RBL1: variants seen among roughly 807,000 people sequenced by gnomAD.
The protein encoded by RBL1 is RB transcriptional corepressor like 1.
A neutral mutation model predicts 123.0 loss-of-function variants in RBL1; 82 were observed. That is an observed-to-expected ratio of 0.67 (90% confidence interval 0.56 to 0.80). RBL1 has a LOEUF of 0.80. Ranked by LOEUF, RBL1 falls within the 30% of genes least tolerant of loss-of-function variation. RBL1 has a pLI of 0.00. For missense variants in RBL1, 1,171 were observed against 1,299.6 expected (o/e 0.90, Z 1.52); for synonymous variants, 405 against 441.3 (o/e 0.92, Z 1.03).
chr20:37,051,208 G>GT (rs57044024), intron 11 of RBL1, among the ~76,000 whole-genome samples: 152,011 of 152,012 alleles, frequency 1, 76,005 homozygotes, highest in Middle Eastern at 1. Flanking sequence ...CTGAGATGGA[G>GT]TTCGCTCTTG....
chr20:37,060,668 G>A (rs1158042543), intron 9 of RBL1, among the ~76,000 whole-genome samples: 2 of 151,960 alleles, frequency 1.3e-5, no homozygotes, highest in Non-Finnish European at 2.9e-5. Context: ...TGTAGTTCCA[G>A]CTAACTTGGG....
At chr20:37,052,176 G>A (rs575289203) in intron 11 of RBL1, among the ~76,000 whole-genome samples, 19 of 151,754 alleles carry the variant, frequency 1.3e-4, no homozygotes, top group Non-Finnish European at 2.1e-4. Flanking sequence ...GGGATTACAG[G>A]TGCACACCAC....
At chr20:37,082,106 C>T in intron 2 of RBL1, 1 of 442,540 alleles carries the variant, frequency 2.3e-6, no homozygotes, top group Non-Finnish European at 4.5e-6. Flanking sequence ...AGGTTTCTCC[C>T]TCACTAAGGG....
At chr20:37,068,368 T>C (rs187857840) in intron 2 of RBL1, among the ~76,000 whole-genome samples, 182 bp from the exon 3 acceptor site, 201 of 152,298 alleles carry the variant, frequency 1.3e-3, no homozygotes, top group African/African-American at 4.5e-3. Flanking sequence ...GGCATGTGCC[T>C]GTAGCCCCAG....
intron 2 of RBL1, among the ~76,000 whole-genome samples, chr20:37,078,957 G>A (rs1173312944): frequency 1.3e-5 from 2 of 152,046 alleles, no homozygotes; most frequent in Non-Finnish European, 2.9e-5. Flanking sequence ...TAGCACTTTA[G>A]GAGGCCGAGG....
intron 16 of RBL1, among the ~76,000 whole-genome samples, chr20:37,024,011 C>T (rs889092380): frequency 3.3e-5 from 5 of 151,736 alleles, no homozygotes; most frequent in Admixed American, 3.3e-4. Flanking sequence ...TCTCGAACTC[C>T]TGAGCTCAGG....
chr20:37,034,096 G>A (rs1164201425), intron 15 of RBL1, among the ~76,000 whole-genome samples: 1 of 151,858 alleles, frequency 6.6e-6, no homozygotes, highest in East Asian at 1.9e-4. Context: ...ACATCACCAT[G>A]CCCAGCTAAT....
At chr20:37,033,947 CTT>C (rs201186362) in intron 15 of RBL1, among the ~76,000 whole-genome samples, 3 of 139,402 alleles carry the variant, frequency 2.2e-5, no homozygotes, top group African/African-American at 2.6e-5. Flanking sequence ...TTTTCTTTTT[CTT>C]TTTTTTTTTG....
At chr20:37,012,695 G>C (rs900551749) in intron 19 of RBL1, among the ~76,000 whole-genome samples, 8 of 151,576 alleles carry the variant, frequency 5.3e-5, no homozygotes, top group Non-Finnish European at 1.0e-4. Flanking sequence ...AGGGAGGTGG[G>C]GGTCAACCCC....
intron 12 of RBL1, among the ~76,000 whole-genome samples, chr20:37,045,059 C>T (rs978118391): frequency 6.6e-6 from 1 of 150,800 alleles, no homozygotes; most frequent in East Asian, 1.9e-4. Context: ...TGATGTATGA[C>T]TTTAATATTC....
chr20:37,007,015 G>A (rs1226999940), intron 20 of RBL1, among the ~76,000 whole-genome samples: 4 of 151,870 alleles, frequency 2.6e-5, no homozygotes, highest in Admixed American at 2.0e-4. Flanking sequence ...AGGAGGCTGA[G>A]GTGGGTAGAT....
At position 37,028,548 on chromosome 20, in the gene RBL1, A is replaced by C. The variant is rs543033124; in HGVS notation, c.2382+4117T>G. 3.3e-5 allele frequency among the ~76,000 whole-genome samples: 5 copies of C among 152,156 alleles called. No homozygotes were observed. In the South Asian group the frequency reaches 1.0e-3, roughly 32 times the overall value. ...TGTCTCTAAAAATAATAATAATAAA[A>C]AATATATAGCCTTCTCACAGTATCC... On this transcript the variant is annotated intron_variant, in intron 16 of 21. Transcript: ENST00000373664.
rs2065506652 is a variant in RBL1 at position 37,084,397 on chromosome 20, T to G, written c.290+4592A>C. On this transcript the variant is annotated intron_variant, in intron 2 of 21. Transcript: ENST00000373664. ...ATCCTAGTATCATTAAAAAAATTAA[T>G]GAGGTAGAACTACATATGCTGATAT... is the stretch of plus-strand genomic sequence containing the variant. Among the ~76,000 whole-genome samples the G allele has an allele frequency of 3.9e-5, 6 of 151,950 alleles. No individual in the cohort carries two copies. In the South Asian group the frequency reaches 1.3e-3, roughly 32 times the overall value.
At chr20:37,032,927 T>G (rs766792942) in intron 15 of RBL1, 51 bp from the exon 16 acceptor site, 1 of 1,601,244 alleles carries the variant, frequency 6.2e-7, no homozygotes, top group South Asian at 1.1e-5. Flanking sequence ...CTAGGAAAGT[T>G]GTCAACTATA....
intron 9 of RBL1, among the ~76,000 whole-genome samples, chr20:37,058,828 T>A (rs898276581): frequency 6.6e-6 from 1 of 151,810 alleles, no homozygotes; most frequent in South Asian, 2.1e-4. Flanking sequence ...AATGGTGTGA[T>A]CATGGCTGAG....
intron 2 of RBL1, among the ~76,000 whole-genome samples, chr20:37,077,737 C>T (rs1347815139): frequency 1.3e-5 from 2 of 149,204 alleles, no homozygotes; most frequent in African/African-American, 2.5e-5. Context: ...TTGAGAGTCA[C>T]GTTTAGCTTT....
intron 12 of RBL1, among the ~76,000 whole-genome samples, chr20:37,046,205 G>A (rs1182316149): frequency 1.3e-5 from 2 of 152,052 alleles, no homozygotes; most frequent in Non-Finnish European, 2.9e-5. Context: ...ATCAATTTTA[G>A]GTCTTCCTTC....
chr20:37,054,581 G>A (rs1194918616), intron 11 of RBL1, among the ~76,000 whole-genome samples: 1 of 152,000 alleles, frequency 6.6e-6, no homozygotes, highest in Non-Finnish European at 1.5e-5. Context: ...TGTAATCCTA[G>A]CACTTTGTGA....
In RBL1 at chr20:36,998,540, T is replaced by C. The variant is rs149010378; in HGVS notation, c.*219A>G. The C allele has an allele frequency of 1.2e-3, 575 of 483,612 alleles. 5 individuals carry two copies. The highest frequency in any genetic ancestry group is 5.0e-3 in the Middle Eastern group (9 of 1,786). 30.0% of individuals were successfully genotyped at this position (483,612 alleles called of 1,614,324 possible). On this transcript the variant is annotated 3_prime_UTR_variant, in exon 22 of 22. Coordinates refer to ENST00000373664, the MANE Select transcript of RBL1 (RefSeq NM_002895.5). ...CGCCTGGCCGGACTATTAGTATTTT[T>C]AAAAGGCACTTAAAATATTCCTTTC...
Sources: allele counts gnomAD v4.1 joint callset (sites outside exome capture counted in the v4.1 genomes callset), GRCh38; gene constraint gnomAD v4.1.1; transcripts MANE v1.5; gene names NCBI Gene and HGNC (gene_info 2026-07-23, HGNC 2026-07-21).